Variants in MAST4 observed in about 807,000 individuals in gnomAD.
The protein encoded by MAST4 is microtubule associated serine/threonine kinase family member 4.
A neutral mutation model predicts 162.7 loss-of-function variants in MAST4; 89 were observed. The observed-to-expected ratio is 0.55, with a 90% CI of 0.46 to 0.65. The LOEUF (loss-of-function observed/expected upper bound fraction) is 0.65, where lower values mean the gene tolerates loss of function less well. MAST4 is among the 30% of genes least tolerant of loss of function. The pLI is 0.00. For synonymous variants in MAST4, 1,479 were observed against 1,361.1 expected, an observed-to-expected ratio of 1.09 and a Z score of -1.91; for missense variants, 3,153 against 3,374.0, an observed-to-expected ratio of 0.93 and a Z score of 1.62.
chr5:67,095,164 TTCG>T (rs1163290255), intron 6 of MAST4, among the ~76,000 whole-genome samples: 3 of 152,152 alleles, frequency 2.0e-5, no homozygotes, highest in Admixed American at 6.5e-5. Context: ...CAGAAAGTGT[TTCG>T]GATGCAAAGA....
rs1353693307 is a variant in MAST4 at position 66,753,688 on chromosome 5, C to G, written c.364-6021C>G. ...CTTACCAACCAAACAGAGTCCAGGA[C>G]CAGATGGATTCACAGCCGAATTCTA... On this transcript the variant is annotated intron_variant, in intron 1 of 28. Coordinates refer to ENST00000403625, the MANE Select transcript of MAST4 (RefSeq NM_001164664.2). Among the ~76,000 whole-genome samples, 2 of 150,992 alleles carry G rather than the reference C, an allele frequency of 1.3e-5. 1 individual carries two copies. Among genetic ancestry groups the G allele is most frequent in the South Asian group, 4.3e-4 (2 of 4,610 alleles).
chr5:66,855,519 C>T (rs1471208118), intron 3 of MAST4, among the ~76,000 whole-genome samples: 2 of 152,130 alleles, frequency 1.3e-5, no homozygotes, highest in Non-Finnish European at 2.9e-5. Context: ...CTCTTGAGAA[C>T]AGAGCTGGAG....
chr5:67,126,288 C>T (rs1001254795), intron 14 of MAST4, among the ~76,000 whole-genome samples: 20 of 152,124 alleles, frequency 1.3e-4, no homozygotes, highest in African/African-American at 4.8e-4. Context: ...GTTGCCATTG[C>T]TTTTGGTGTT....
chr5:66,717,262 A>C (rs954177590), intron 1 of MAST4, among the ~76,000 whole-genome samples: 2 of 152,166 alleles, frequency 1.3e-5, no homozygotes, highest in African/African-American at 4.8e-5. Context: ...TGCTATTAAG[A>C]TAGAAAGAGA....
At chr5:66,663,516 A>G (rs1196082238) in intron 1 of MAST4, among the ~76,000 whole-genome samples, 2 of 152,150 alleles carry the variant, frequency 1.3e-5, no homozygotes, top group African/African-American at 4.8e-5. Context: ...AGATGATAGC[A>G]TTTGAATAAA....
At chr5:66,799,728 TGTAA>T (rs891067716) in intron 3 of MAST4, among the ~76,000 whole-genome samples, 1 of 152,198 alleles carries the variant, frequency 6.6e-6, no homozygotes, top group Non-Finnish European at 1.5e-5. Context: ...TGATCAGTTG[TGTAA>T]GTACTTGATT....
intron 3 of MAST4, among the ~76,000 whole-genome samples, chr5:66,877,740 CA>C (rs1342442882): frequency 6.6e-6 from 1 of 152,112 alleles, no homozygotes. Context: ...TGAATTTCCA[CA>C]AACCGAACAA....
chr5:67,070,704 G>T (rs1017796337), intron 5 of MAST4, among the ~76,000 whole-genome samples: 3 of 152,194 alleles, frequency 2.0e-5, no homozygotes, highest in African/African-American at 7.2e-5. Flanking sequence ...AGGAATGAAT[G>T]CTGTTACCTG....
At chr5:67,043,762 C>G (rs565676052) in intron 4 of MAST4, among the ~76,000 whole-genome samples, 2 of 152,174 alleles carry the variant, frequency 1.3e-5, no homozygotes, top group South Asian at 2.1e-4. Flanking sequence ...TTCCCTACCC[C>G]CAGCACACAC....
At chr5:66,889,145 G>A (rs1047737704) in intron 3 of MAST4, among the ~76,000 whole-genome samples, 2 of 152,186 alleles carry the variant, frequency 1.3e-5, no homozygotes, top group Admixed American at 6.5e-5. Context: ...ATAGGGTTGT[G>A]CAGATCAATA....
At chr5:66,669,163 C>CAG (rs1747453093) in intron 1 of MAST4, among the ~76,000 whole-genome samples, 1 of 152,148 alleles carries the variant, frequency 6.6e-6, no homozygotes. Flanking sequence ...TACCACATCT[C>CAG]AGGCTTAGTT....
rs552223762 is a variant in MAST4 at position 66,625,142 on chromosome 5, A to G, written c.363+28124A>G. Among the ~76,000 whole-genome samples the G allele has an allele frequency of 3.3e-5, 5 of 152,276 alleles. No individual in the cohort carries two copies. In the South Asian group the frequency reaches 1.0e-3, roughly 32 times the overall value. On this transcript the variant is annotated intron_variant, in intron 1 of 28. Transcript: ENST00000403625. ...GTGGTCTCCCTCAGCTCACTGTGAC[A>G]CTTGGCCTTATTGTTCCTTTCCTTC...
chr5:67,124,756 C>T (rs962733087), intron 14 of MAST4, among the ~76,000 whole-genome samples: 15 of 152,092 alleles, frequency 9.9e-5, no homozygotes, highest in African/African-American at 2.7e-4. Flanking sequence ...ATTGTAAGTA[C>T]ATCATAGCAA....
intron 4 of MAST4, among the ~76,000 whole-genome samples, chr5:66,983,019 A>G (rs1265641029): frequency 2.6e-5 from 4 of 152,214 alleles, no homozygotes; most frequent in Non-Finnish European, 5.9e-5. Flanking sequence ...CATAGCATTT[A>G]TATAGGATTT....
At chr5:66,788,607 C>CCCAGCACAAAAACAA in intron 2 of MAST4, 63 bp from the exon 3 acceptor site, 1 of 1,373,728 alleles carries the variant, frequency 7.3e-7, no homozygotes, top group Non-Finnish European at 1.0e-6. Flanking sequence ...CCCCCACCCC[C>CCCAGCACAAAAACAA]ATTGCAATAA....
chr5:66,760,127 T>A (rs545937468), intron 2 of MAST4, among the ~76,000 whole-genome samples: 15 of 106,514 alleles, frequency 1.4e-4, no homozygotes, highest in South Asian at 1.4e-3. Context: ...TTATTTATTT[T>A]TTGAGACAGA....
intron 3 of MAST4, among the ~76,000 whole-genome samples, chr5:66,866,916 T>G (rs1031974481): frequency 4.0e-5 from 6 of 150,650 alleles, no homozygotes; most frequent in African/African-American, 1.5e-4. Flanking sequence ...CGGCAGGCTT[T>G]TTTGTTTGTT....
chr5:67,038,122 C>T (rs180774658), intron 4 of MAST4, among the ~76,000 whole-genome samples: 23 of 152,128 alleles, frequency 1.5e-4, no homozygotes, highest in African/African-American at 5.3e-4. Context: ...CAGAAAACAC[C>T]TTAACCTATG....
At chr5:67,099,141 C>T (rs917619661) in intron 7 of MAST4, among the ~76,000 whole-genome samples, 4 of 152,014 alleles carry the variant, frequency 2.6e-5, no homozygotes, top group Non-Finnish European at 4.4e-5. Context: ...CCTCTTATCA[C>T]CACTGCTTAT....
Sources: gnomAD v4.1 joint callset for allele counts (sites outside exome capture counted in the v4.1 genomes callset) on GRCh38, gnomAD v4.1.1 for gene constraint, MANE v1.5 for transcripts, NCBI Gene and HGNC (gene_info 2026-07-23, HGNC 2026-07-21) for gene names.